The following EIF2AK1 variants were observed in gnomAD, a reference collection of about 807,000 sequenced individuals.
EIF2AK1 encodes the protein eukaryotic translation initiation factor 2 alpha kinase 1.
EIF2AK1 carries 54 observed loss-of-function variants against 77.9 expected under a neutral mutation model. The observed-to-expected ratio is 0.69, with a 90% CI of 0.56 to 0.87. EIF2AK1 has a LOEUF of 0.87. Ranked by LOEUF, EIF2AK1 falls within the 40% of genes least tolerant of loss-of-function variation. The probability of loss-of-function intolerance (pLI) is 0.00; values close to 1 mark genes in which losing one functional copy is unlikely to be tolerated. For synonymous variants in EIF2AK1, 314 were observed against 290.5 expected, an observed-to-expected ratio of 1.08 and a Z score of -0.82; for missense variants, 810 against 768.6, an observed-to-expected ratio of 1.05 and a Z score of -0.64.
At chr7:6,041,291 C>G in intron 8 of EIF2AK1, 72 bp from the exon 9 acceptor site, 1 of 1,467,238 alleles carries the variant, frequency 6.8e-7, no homozygotes, top group Non-Finnish European at 9.1e-7. Flanking sequence ...GTAATCCCAG[C>G]ACTTTGGGAG....
At chr7:6,029,627 T>A (rs754516807) in intron 11 of EIF2AK1, among the ~76,000 whole-genome samples, 1 of 152,194 alleles carries the variant, frequency 6.6e-6, no homozygotes, top group Non-Finnish European at 1.5e-5. Context: ...ATGTAGAGCA[T>A]GCTTTGTACA....
intron 7 of EIF2AK1, 64 bp downstream of exon 7, chr7:6,044,498 A>C: frequency 7.3e-7 from 1 of 1,367,488 alleles, no homozygotes; most frequent in Non-Finnish European, 1.0e-6. Context: ...AAGGCAGGCC[A>C]GATTTGGTGC....
At chr7:6,052,944 CAG>C (rs1178523206) in intron 2 of EIF2AK1, among the ~76,000 whole-genome samples, 1 of 151,260 alleles carries the variant, frequency 6.6e-6, no homozygotes, top group Non-Finnish European at 1.5e-5. Context: ...GCCTGGGCAA[CAG>C]AGTGAGACTC....
intron 1 of EIF2AK1, among the ~76,000 whole-genome samples, chr7:6,057,821 G>T (rs1439328756): frequency 6.6e-6 from 1 of 152,062 alleles, no homozygotes; most frequent in Non-Finnish European, 1.5e-5. Context: ...GTAGAGAGGG[G>T]GTTTCACCAT....
chr7:6,028,942 C>T lies in EIF2AK1; in HGVS notation c.1423G>A (p.Asp475Asn), dbSNP rs1480222355. The change falls in exon 12 of 15, where the codon GAC becomes AAC. Residue 475 changes from aspartate (D) to asparagine (N), a missense_variant. Coordinates refer to ENST00000199389, the MANE Select transcript of EIF2AK1 (RefSeq NM_014413.4). ...CTCTTCCCGTTTCTGTTGGTCCAGT[C>T]TGTGTTCTTCTGTAGGATGTCTGTG... ...ACTDILQKNT[D>N]WTNRNGKRTP... The T allele has an allele frequency of 1.2e-6, 2 of 1,608,978 alleles. No individual in the cohort carries two copies. The highest frequency in any genetic ancestry group is 1.7e-6 in the Non-Finnish European group (2 of 1,178,976).
chr7:6,054,641 A>G lies in EIF2AK1; in HGVS notation c.182T>C (p.Phe61Ser). 1 of 1,614,214 alleles carries G rather than the reference A, an allele frequency of 6.2e-7. No homozygotes were observed. Among genetic ancestry groups the G allele is most frequent in the African/African-American group, 1.3e-5 (1 of 75,066 alleles). The change falls in exon 2 of 15, where the codon TTT (phenylalanine) becomes TCT (serine). Residue 61 changes from phenylalanine to serine, a missense_variant. Physicochemically the swap from Phe to Ser is radical, Grantham distance 155. This residue lies in a region of EIF2AK1 where 246 missense variants were observed against 199.0 expected (regional missense o/e 1.24). Coordinates refer to ENST00000199389, the MANE Select transcript of EIF2AK1 (RefSeq NM_014413.4). ...KEPLQQPTFP[F>S]AVANQLLLVS... Reference sequence around the variant, plus strand: ...CAGCAAGAGTTGGTTTGCAACTGCAAAAGGGAAGGTTGGCTGTTGTAGGGG... The same window carrying G: ...CAGCAAGAGTTGGTTTGCAACTGCAGAAGGGAAGGTTGGCTGTTGTAGGGG...
In EIF2AK1 at chr7:6,023,384, C is replaced by A; in HGVS notation, c.*1289G>T. ...GGGAACATTGCACGTTTCTTGTTCT[C>A]TCTGTTTGGCCAGAAGCATAATGCT... On this transcript the variant is annotated 3_prime_UTR_variant, in exon 15 of 15. Coordinates refer to ENST00000199389, the MANE Select transcript of EIF2AK1 (RefSeq NM_014413.4). 2.5e-6 allele frequency: 4 copies of A among 1,614,122 alleles called. No individual in the cohort carries two copies. The highest frequency in any genetic ancestry group is 2.5e-6 in the Non-Finnish European group (3 of 1,180,014).
chr7:6,032,964 CTTT>C lies in EIF2AK1; in HGVS notation c.1333-3935_1333-3933del. The stretch of plus-strand genomic sequence containing the variant: ...AAGTTAACTCCACCGAAAATCATTT[CTTT>C]TTTTTTCTTTTTTGTTTTGAGGCAG... On this transcript the variant is annotated intron_variant, in intron 11 of 14. Coordinates refer to ENST00000199389, the MANE Select transcript of EIF2AK1 (RefSeq NM_014413.4). This position sits in a 1 kb window ranked among gnomAD's most constrained non-coding sequence, Gnocchi z 4.3. 4 of 1,512,454 alleles carry C rather than the reference CTTT, an allele frequency of 2.6e-6. No homozygotes were observed. Among genetic ancestry groups the C allele is most frequent in the Non-Finnish European group, 3.6e-6 (4 of 1,116,618 alleles). 93.7% of individuals were successfully genotyped at this position (1,512,454 alleles called of 1,614,324 possible). A position where few individuals can be genotyped will look rare whatever the true frequency, so the allele number is the denominator to read the frequency against.
At chr7:6,056,769 G>A (rs1788786460) in intron 1 of EIF2AK1, among the ~76,000 whole-genome samples, 1 of 151,170 alleles carries the variant, frequency 6.6e-6, no homozygotes, top group Admixed American at 6.6e-5. Context: ...ATTATCTTTA[G>A]TTTGCAGAAA....
chr7:6,030,114 C>A (rs938999475), intron 11 of EIF2AK1, among the ~76,000 whole-genome samples: 1 of 152,192 alleles, frequency 6.6e-6, no homozygotes, highest in Non-Finnish European at 1.5e-5. Flanking sequence ...GCAAATGTAA[C>A]AAACCACATG....
intron 4 of EIF2AK1, chr7:6,047,309 C>T (rs542829183): frequency 9.3e-6 from 6 of 645,098 alleles, no homozygotes; most frequent in African/African-American, 3.6e-5. Context: ...AAATTATTAC[C>T]GATGTTGTAC....
rs766411409 is a variant in EIF2AK1, at chr7:6,026,589, C to T, written c.1764+139G>A. On this transcript the variant is annotated intron_variant, in intron 14 of 14. Coordinates refer to ENST00000199389, the MANE Select transcript of EIF2AK1 (RefSeq NM_014413.4). ...CTGAGTGCCAGGAAGTGGACGAGAA[C>T]AAACAGGCCCCGCCTCCAGAACCAT... 3 of 748,808 alleles carry T rather than the reference C, an allele frequency of 4.0e-6. No individual in the cohort carries two copies. The South Asian group carries it at 4.4e-5, about 11-fold the overall frequency. 46.4% of individuals were successfully genotyped at this position (748,808 alleles called of 1,614,324 possible). A position where few individuals can be genotyped will look rare whatever the true frequency, so the allele number is the denominator to read the frequency against.
chr7:6,043,121 CA>C (rs1351921475), intron 7 of EIF2AK1, 128 bp from the exon 8 acceptor site: 4 of 896,166 alleles, frequency 4.5e-6, no homozygotes, highest in Non-Finnish European at 6.9e-6. Flanking sequence ...GACCTTCTGG[CA>C]AAATACAAAA....
Position 6,023,504 on chromosome 7 carries a change from T to C in EIF2AK1, c.*1169A>G, listed in dbSNP as rs1250422075. On this transcript the variant is annotated 3_prime_UTR_variant, in exon 15 of 15. Coordinates refer to ENST00000199389, the MANE Select transcript of EIF2AK1 (RefSeq NM_014413.4). ...GAAAAAGCCGCTGTTTTCCGCTCCA[T>C]GAACTCTGCTCTTGGGAAGAGCCCT... 18 of 1,614,094 alleles carry C rather than the reference T, an allele frequency of 1.1e-5. No individual in the cohort carries two copies. Among genetic ancestry groups the C allele is most frequent in the Non-Finnish European group, 1.4e-5 (17 of 1,180,042 alleles).
rs995899818 is a variant in EIF2AK1 at position 6,036,862 on chromosome 7, AC to A, written c.1332+561del. 2.0e-5 allele frequency among the ~76,000 whole-genome samples: 3 copies of A among 152,154 alleles called. No homozygotes were observed. Among genetic ancestry groups the A allele is most frequent in the African/African-American group, 7.2e-5 (3 of 41,430 alleles). The stretch of plus-strand genomic sequence containing the variant: ...ATTTAGCACCCCTGATTATAGCAGT[AC>A]TCAGAGCACCTGAAAAAAAGTACTT... On this transcript the variant is annotated intron_variant, in intron 11 of 14. Transcript: ENST00000199389. This position sits in a 1 kb window ranked among gnomAD's most constrained non-coding sequence, Gnocchi z 4.6.
intron 1 of EIF2AK1, among the ~76,000 whole-genome samples, chr7:6,056,969 A>G (rs1258880700): frequency 6.6e-6 from 1 of 151,680 alleles, no homozygotes; most frequent in Non-Finnish European, 1.5e-5. Flanking sequence ...TTACTACCAC[A>G]CTCTGCTTTT....
intron 1 of EIF2AK1, among the ~76,000 whole-genome samples, chr7:6,056,613 A>AAAAAAAAAAAAAATATATATAT: frequency 4.6e-5 from 2 of 43,726 alleles, no homozygotes; most frequent in African/African-American, 1.6e-4. Flanking sequence ...AAAAAAAAAA[A>AAAAAAAAAAAAAATATATATAT]ATATATATAT....
chr7:6,041,517 C>A (rs1236761451), intron 8 of EIF2AK1, among the ~76,000 whole-genome samples: 2 of 149,482 alleles, frequency 1.3e-5, no homozygotes, highest in Admixed American at 1.4e-4. Context: ...CCAGCCTGGG[C>A]GACAAAGTGA....
intron 2 of EIF2AK1, 82 bp downstream of exon 2, chr7:6,054,464 A>C (rs903160203): frequency 2.6e-6 from 4 of 1,519,916 alleles, no homozygotes; most frequent in Non-Finnish European, 3.6e-6. Flanking sequence ...TCAGCCTCCC[A>C]AAGTGCTGGG....
Sources: gnomAD v4.1 joint callset for allele counts (sites outside exome capture counted in the v4.1 genomes callset) on GRCh38, gnomAD v4.1.1 for gene constraint, gnomAD v4.1.1 regional missense constraint, Gnocchi (gnomAD v3.1) non-coding constraint, MANE v1.5 for transcripts, NCBI Gene and HGNC (gene_info 2026-07-23, HGNC 2026-07-21) for gene names.